EFHC1: variants seen among roughly 807,000 people sequenced by gnomAD.
EFHC1 encodes EF-hand domain-containing protein 1.
A neutral mutation model predicts 69.9 loss-of-function variants in EFHC1; 53 were observed. The ratio of observed to expected loss-of-function variants is 0.76; its 90% confidence interval spans 0.61 to 0.95. The LOEUF (loss-of-function observed/expected upper bound fraction) is 0.95. EFHC1 is among the 40% of genes least tolerant of loss of function. EFHC1 has a pLI of 0.00. For synonymous variants in EFHC1, 256 were observed against 278.4 expected (o/e 0.92, Z 0.80); for missense variants, 739 against 798.7 (o/e 0.93, Z 0.90).
At chr6:52,448,060 C>G (rs886939017) in intron 3 of EFHC1, among the ~76,000 whole-genome samples, 1 of 152,230 alleles carries the variant, frequency 6.6e-6, no homozygotes, top group Admixed American at 6.5e-5. Context: ...TCTCAGATCT[C>G]AAACTTCGTG....
rs183857696 is a variant in EFHC1 at position 52,449,172 on chromosome 6, G to A, written c.574-3516G>A. 2.5e-3 allele frequency among the ~76,000 whole-genome samples: 373 copies of A among 151,994 alleles called. 1 individual carries two copies. Among genetic ancestry groups the A allele is most frequent in the Non-Finnish European group, 2.9e-3 (199 of 67,950 alleles). On this transcript the variant is annotated intron_variant, in intron 3 of 10. Transcript: ENST00000371068. ...GCTGAGGCGGGTGGATCATGAGGTC[G>A]GGAGATCGAGACCATCCTGGCTAAC...
chr6:52,464,973 G>A lies in EFHC1; in HGVS notation c.995G>A (p.Gly332Glu). The A allele has an allele frequency of 1.2e-6, 2 of 1,613,988 alleles. No homozygotes were observed. Among genetic ancestry groups the A allele is most frequent in the Non-Finnish European group, 8.5e-7 (1 of 1,179,930 alleles). The change falls in exon 6 of 11, where the codon GGG becomes GAG. Residue 332 changes from glycine (G) to glutamate (E), a missense_variant. By Grantham distance (98) the Gly-to-Glu change is moderately conservative (BLOSUM62 -2). Coordinates refer to ENST00000371068, the MANE Select transcript of EFHC1 (RefSeq NM_018100.4). ...TATACTGCTAAAGACTTCATTGTTG[G>A]GAAGTCACTCACTATCCTTGGGAGA... is the stretch of plus-strand genomic sequence containing the variant. ...EWYTAKDFIV[G>E]KSLTILGRTF...
At chr6:52,458,492 G>A (rs1219105306) in intron 5 of EFHC1, among the ~76,000 whole-genome samples, 1 of 152,112 alleles carries the variant, frequency 6.6e-6, no homozygotes, top group African/African-American at 2.4e-5. Context: ...GTAGGCAAAG[G>A]ACATGAACAG....
chr6:52,482,747 T>C (rs1765707159), intron 9 of EFHC1: 1 of 398,414 alleles, frequency 2.5e-6, no homozygotes, highest in Admixed American at 4.4e-5. Flanking sequence ...ATCTTCATTC[T>C]TTTTATTACA....
rs2113994232 is a variant in EFHC1 at position 52,452,840 on chromosome 6, A to G, written c.723+3A>G. 1 of 1,614,132 alleles carries G rather than the reference A, an allele frequency of 6.2e-7. No homozygotes were observed. The highest frequency in any genetic ancestry group is 1.3e-5 in the African/African-American group (1 of 75,066). On this transcript the variant is annotated splice_donor_region_variant and intron_variant, in intron 4 of 10. Coordinates refer to ENST00000371068, the MANE Select transcript of EFHC1 (RefSeq NM_018100.4). ...AATTTCTCACCTTTGACAAACAGGT[A>G]AGTGACATAGGAACCACAATAGGCT...
At chr6:52,482,956 T>G (rs1765711310) in intron 9 of EFHC1, 1 of 397,866 alleles carries the variant, frequency 2.5e-6, no homozygotes. Flanking sequence ...TCTCTTTTGA[T>G]TTTCCATTTT....
intron 1 of EFHC1, among the ~76,000 whole-genome samples, chr6:52,422,886 C>T (rs1396610304): frequency 1.3e-5 from 2 of 152,124 alleles, no homozygotes; most frequent in Non-Finnish European, 2.9e-5. Flanking sequence ...GTTGCTTTTT[C>T]AGGCTTATTA....
chr6:52,468,003 T>C (rs1399172180), intron 6 of EFHC1, among the ~76,000 whole-genome samples: 6 of 152,174 alleles, frequency 3.9e-5, no homozygotes, highest in Admixed American at 2.6e-4. Flanking sequence ...ATATATTCAA[T>C]TCGAGAGGTA....
intron 6 of EFHC1, 99 bp downstream of exon 6, chr6:52,465,214 G>A (rs1765276728): frequency 4.7e-6 from 5 of 1,066,024 alleles, no homozygotes; most frequent in Non-Finnish European, 6.9e-6. Context: ...ATAAATAATG[G>A]ACAAAGTATA....
chr6:52,451,279 T>G (rs1414164936), intron 3 of EFHC1, among the ~76,000 whole-genome samples: 3 of 152,256 alleles, frequency 2.0e-5, no homozygotes, highest in Non-Finnish European at 4.4e-5. Context: ...TAATGGCCTT[T>G]TCTTTCCATA....
chr6:52,479,516 A>G (rs541750040), intron 8 of EFHC1, 124 bp from the exon 9 acceptor site: 1 of 1,440,128 alleles, frequency 6.9e-7, no homozygotes, highest in South Asian at 1.2e-5. Flanking sequence ...CGTTTAAAGA[A>G]AGCTCATTAG....
chr6:52,478,934 C>T, intron 7 of EFHC1, 103 bp from the exon 8 acceptor site: 5 of 1,092,140 alleles, frequency 4.6e-6, no homozygotes, highest in Non-Finnish European at 6.9e-6. Flanking sequence ...AAAACCCAGA[C>T]TGCTTCATTT....
chr6:52,467,707 A>G (rs1422715561), intron 6 of EFHC1, among the ~76,000 whole-genome samples: 1 of 152,212 alleles, frequency 6.6e-6, no homozygotes, highest in Non-Finnish European at 1.5e-5. Flanking sequence ...ATATAATAAA[A>G]CATCTATACA....
chr6:52,459,094 G>C (rs180778721), intron 5 of EFHC1, among the ~76,000 whole-genome samples: 452 of 152,236 alleles, frequency 3.0e-3, no homozygotes, highest in Non-Finnish European at 5.6e-3. Context: ...GAGGGACAAG[G>C]GTTGAAGAAC....
In EFHC1 at chr6:52,479,774, CCAGAAG is replaced by C; in HGVS notation, c.1633_1638del (p.Ala545_Glu546del). The C allele has an allele frequency of 6.2e-7, 1 of 1,614,094 alleles. No individual in the cohort carries two copies. Among genetic ancestry groups the C allele is most frequent in the Non-Finnish European group, 8.5e-7 (1 of 1,180,018 alleles). On this transcript the variant is annotated inframe_deletion, in exon 9 of 11. Coordinates refer to ENST00000371068, the MANE Select transcript of EFHC1 (RefSeq NM_018100.4). ...TGTCCGAAAGCGAGAAGCGCCTGCT[CCAGAAG>C]CAGAAAGGTGTGTGTTTGATTGCTA...
At chr6:52,472,554 C>G (rs1022741015) in intron 7 of EFHC1, among the ~76,000 whole-genome samples, 3 of 151,756 alleles carry the variant, frequency 2.0e-5, no homozygotes, top group Admixed American at 6.6e-5. Context: ...TATTAAATTC[C>G]TAGGTATAAA....
intron 9 of EFHC1, chr6:52,485,301 C>T (rs1469372187): frequency 6.6e-6 from 1 of 152,148 alleles, no homozygotes; most frequent in African/African-American, 2.4e-5. Flanking sequence ...TTCAGCATAC[C>T]ACTAATTAAA....
intron 1 of EFHC1, 198 bp from the exon 2 acceptor site, chr6:52,423,748 C>G: frequency 8.0e-7 from 1 of 1,247,152 alleles, no homozygotes; most frequent in Non-Finnish European, 1.1e-6. Context: ...TGAAGTGATT[C>G]TCCCTCTTCA....
intron 7 of EFHC1, among the ~76,000 whole-genome samples, chr6:52,470,808 G>T (rs769146999): frequency 6.6e-6 from 1 of 152,210 alleles, no homozygotes; most frequent in Non-Finnish European, 1.5e-5. Context: ...TACAAAAATG[G>T]CTATGAATAG....
Sources: gnomAD v4.1 joint callset for allele counts (sites outside exome capture counted in the v4.1 genomes callset) on GRCh38, gnomAD v4.1.1 for gene constraint, MANE v1.5 for transcripts, NCBI Gene and HGNC (gene_info 2026-07-23, HGNC 2026-07-21) for gene names.